Variants in SLC39A12 observed in about 807,000 individuals in gnomAD.
SLC39A12 encodes the protein solute carrier family 39 member 12, also known as zinc transporter ZIP12.
A neutral mutation model predicts 71.1 loss-of-function variants in SLC39A12; 63 were observed. The observed-to-expected ratio is 0.89, with a 90% confidence interval of 0.72 to 1.09. SLC39A12 has a LOEUF of 1.09. Among genes scored for constraint, SLC39A12 ranks in the 50% least tolerant of loss-of-function variants. The pLI, the probability that SLC39A12 is intolerant of heterozygous loss-of-function variation, is 0.00. For synonymous variants in SLC39A12, 351 were observed against 301.3 expected, an observed-to-expected ratio of 1.16 and a Z score of -1.71; for missense variants, 892 against 812.6, an observed-to-expected ratio of 1.10 and a Z score of -1.19.
At chr10:17,970,393 C>G (rs774726689) in intron 4 of SLC39A12, among the ~76,000 whole-genome samples, 3 of 151,944 alleles carry the variant, frequency 2.0e-5, no homozygotes, top group Non-Finnish European at 4.4e-5. Context: ...GACATTTTAA[C>G]AATATTTATT....
chr10:17,959,667 T>C (rs571117498), intron 2 of SLC39A12, among the ~76,000 whole-genome samples: 9 of 152,314 alleles, frequency 5.9e-5, no homozygotes, highest in Non-Finnish European at 1.0e-4. Context: ...GTGAGAATTC[T>C]CAGGAGCTCC....
intron 4 of SLC39A12, among the ~76,000 whole-genome samples, chr10:17,971,564 A>G (rs899396752): frequency 6.6e-6 from 1 of 151,820 alleles, no homozygotes; most frequent in African/African-American, 2.4e-5. Flanking sequence ...TAATCATGGT[A>G]GGTTGTATGT....
intron 10 of SLC39A12, among the ~76,000 whole-genome samples, chr10:17,997,586 C>T (rs1835723611): frequency 6.6e-6 from 1 of 152,122 alleles, no homozygotes. Context: ...TAACGATGGT[C>T]TTCTTCAAAC....
In SLC39A12 at chr10:17,975,395, C is replaced by T. The variant is rs148095578; in HGVS notation, c.752-2507C>T. Among the ~76,000 whole-genome samples the T allele has an allele frequency of 1.6e-3, 248 of 152,276 alleles. 2 individuals carry two copies. The highest frequency in any genetic ancestry group is 2.9e-3 in the Non-Finnish European group (200 of 68,022). On this transcript the variant is annotated intron_variant, in intron 4 of 12. Transcript: ENST00000377369. ...TTCAGTTAGCAGGTGACAAGTCCTG[C>T]CCGGACTGGGTCCTTCCCTTCAAGG...
intron 2 of SLC39A12, among the ~76,000 whole-genome samples, chr10:17,954,220 A>G (rs1169057710): frequency 6.6e-6 from 1 of 152,198 alleles, no homozygotes; most frequent in African/African-American, 2.4e-5. Context: ...TGCCTGGGAT[A>G]GAACTTTTAA....
chr10:18,000,943 T>C (rs1835816985), intron 11 of SLC39A12, 118 bp downstream of exon 11: 5 of 980,502 alleles, frequency 5.1e-6, no homozygotes, highest in Non-Finnish European at 7.4e-6. Flanking sequence ...ATACTTTCCT[T>C]TTATAATTTA....
At chr10:17,991,484 C>T (rs994604816) in intron 8 of SLC39A12, among the ~76,000 whole-genome samples, 181 bp downstream of exon 8, 6 of 152,080 alleles carry the variant, frequency 3.9e-5, no homozygotes, top group Non-Finnish European at 7.4e-5. Context: ...AATATCTATT[C>T]CTGGGCAGTT....
intron 4 of SLC39A12, among the ~76,000 whole-genome samples, chr10:17,977,673 T>A (rs891747274): frequency 1.6e-4 from 24 of 152,318 alleles, no homozygotes; most frequent in Non-Finnish European, 3.1e-4. Context: ...AATAATTTCC[T>A]AAGGATTAGG....
At chr10:17,974,980 G>A (rs931187708) in intron 4 of SLC39A12, among the ~76,000 whole-genome samples, 1 of 152,182 alleles carries the variant, frequency 6.6e-6, no homozygotes, top group Non-Finnish European at 1.5e-5. Flanking sequence ...ATCACAAGAC[G>A]TAGTCCTTCT....
chr10:18,000,838 A>T lies in SLC39A12; in HGVS notation c.1759+13A>T, dbSNP rs375048554. On this transcript the variant is annotated intron_variant, in intron 11 of 12. Transcript: ENST00000377369. The stretch of plus-strand genomic sequence containing the variant: ...CCACATGAAATGGGTAAGTTCAACA[A>T]TGGAATTACTGTTTCTGGCCTGTTG... 3 of 1,611,640 alleles carry T rather than the reference A, an allele frequency of 1.9e-6. No homozygotes were observed. The African/African-American group carries it at 4.0e-5, about 22-fold the overall frequency.
intron 2 of SLC39A12, among the ~76,000 whole-genome samples, chr10:17,957,353 G>C (rs567404282): frequency 6.6e-6 from 1 of 152,242 alleles, no homozygotes; most frequent in African/African-American, 2.4e-5. Context: ...TAGCTTGAAA[G>C]GGGAGCCTCT....
rs564066965 is a variant in SLC39A12, at chr10:18,022,648, T to G, written c.1947+19290T>G. On this transcript the variant is annotated intron_variant, in intron 12 of 12. Transcript: ENST00000377369. The stretch of plus-strand genomic sequence containing the variant: ...ATGTCTTTCATTTCAGCCATTTCAT[T>G]CTGGTTAACATCCATTACTGGGGAG... Among the ~76,000 whole-genome samples, 4 of 152,318 alleles carry G rather than the reference T, an allele frequency of 2.6e-5. No homozygotes were observed. The East Asian group carries it at 5.8e-4, about 22-fold the overall frequency.
Position 17,987,467 on chromosome 10 carries a change from C to T in SLC39A12, c.1097-12C>T, listed in dbSNP as rs1376617118. The T allele has an allele frequency of 1.2e-6, 2 of 1,613,040 alleles. No homozygotes were observed. The highest frequency in any genetic ancestry group is 2.7e-5 in the African/African-American group (2 of 74,918). On this transcript the variant is annotated splice_polypyrimidine_tract_variant and intron_variant, in intron 6 of 12. Transcript: ENST00000377369. ...TGGGCACTGACTGTGTTTACGATCTCCTTTGACTTAGAATACGGCTACAGC... is the reference window on the plus strand; with the variant it reads ...TGGGCACTGACTGTGTTTACGATCTTCTTTGACTTAGAATACGGCTACAGC...
chr10:18,014,746 C>T (rs952046139), intron 12 of SLC39A12, among the ~76,000 whole-genome samples: 2 of 152,096 alleles, frequency 1.3e-5, no homozygotes, highest in Admixed American at 6.5e-5. Flanking sequence ...TTTTCTTGTT[C>T]ACTAGAGCAA....
chr10:17,972,368 A>G (rs1834997712), intron 4 of SLC39A12, among the ~76,000 whole-genome samples: 2 of 152,132 alleles, frequency 1.3e-5, no homozygotes, highest in South Asian at 4.1e-4. Flanking sequence ...TATAGTGCAG[A>G]TGAAGTTTAA....
chr10:18,006,818 T>G (rs762864814), intron 12 of SLC39A12, among the ~76,000 whole-genome samples: 7 of 152,036 alleles, frequency 4.6e-5, no homozygotes, highest in Non-Finnish European at 1.0e-4. Context: ...GGAAAGGGGC[T>G]CAAGCCATCA....
chr10:17,991,475 A>G (rs1384377210), intron 8 of SLC39A12, among the ~76,000 whole-genome samples, 172 bp downstream of exon 8: 1 of 152,162 alleles, frequency 6.6e-6, no homozygotes, highest in Admixed American at 6.5e-5. Context: ...ATTTTTTAAA[A>G]TATCTATTCC....
At chr10:17,980,348 T>C (rs937704182) in intron 5 of SLC39A12, among the ~76,000 whole-genome samples, 3 of 151,952 alleles carry the variant, frequency 2.0e-5, no homozygotes, top group Admixed American at 6.6e-5. Context: ...AAAAAAAATC[T>C]CTATACAGTG....
chr10:17,958,622 A>T (rs1291036848), intron 2 of SLC39A12, among the ~76,000 whole-genome samples: 1 of 152,170 alleles, frequency 6.6e-6, no homozygotes, highest in Non-Finnish European at 1.5e-5. Context: ...ATTGTGACTA[A>T]CAGTGCTCTC....
Sources: allele counts gnomAD v4.1 joint callset (sites outside exome capture counted in the v4.1 genomes callset), GRCh38; gene constraint gnomAD v4.1.1; transcripts MANE v1.5; gene names NCBI Gene and HGNC (gene_info 2026-07-23, HGNC 2026-07-21).